The following SERGEF variants were observed in gnomAD, a reference collection of about 807,000 sequenced individuals.
The protein encoded by SERGEF is secretion-regulating guanine nucleotide exchange factor.
In SERGEF, 51 loss-of-function variants were observed where a neutral mutation model predicts 50.0. That is an observed-to-expected ratio of 1.02 (90% confidence interval 0.81 to 1.29). The LOEUF (loss-of-function observed/expected upper bound fraction) is 1.29. SERGEF is among the 50% of genes most tolerant of loss of function. SERGEF has a pLI of 0.00. For missense variants in SERGEF, 521 were observed against 557.0 expected, an observed-to-expected ratio of 0.94 and a Z score of 0.65; for synonymous variants, 205 against 212.4, an observed-to-expected ratio of 0.97 and a Z score of 0.30.
intron 10 of SERGEF, among the ~76,000 whole-genome samples, chr11:17,792,260 C>G (rs1009966586): frequency 1.3e-5 from 2 of 152,242 alleles, no homozygotes; most frequent in Non-Finnish European, 2.9e-5. Context: ...GGATGAACCC[C>G]AGGCCACATC....
At chr11:17,992,557 T>C (rs1411793751) in intron 7 of SERGEF, among the ~76,000 whole-genome samples, 1 of 152,220 alleles carries the variant, frequency 6.6e-6, no homozygotes, top group Non-Finnish European at 1.5e-5. Flanking sequence ...CACTGTGTTA[T>C]CCATATATGT....
chr11:17,946,428 G>T (rs1852663912), intron 9 of SERGEF, among the ~76,000 whole-genome samples: 1 of 152,170 alleles, frequency 6.6e-6, no homozygotes, highest in Admixed American at 6.5e-5. Flanking sequence ...CTTGGTGTAT[G>T]CTACCTGCTG....
intron 9 of SERGEF, among the ~76,000 whole-genome samples, chr11:17,948,270 T>A (rs1473744890): frequency 6.6e-6 from 1 of 152,208 alleles, no homozygotes; most frequent in Non-Finnish European, 1.5e-5. Context: ...GATAAAATGC[T>A]TTCACATCCC....
At chr11:17,941,431 A>G (rs1268291391) in intron 9 of SERGEF, among the ~76,000 whole-genome samples, 2 of 152,168 alleles carry the variant, frequency 1.3e-5, no homozygotes, top group African/African-American at 4.8e-5. Flanking sequence ...AAGGTCCTCA[A>G]GGTTCATCTA....
chr11:17,992,457 A>T (rs1853734782), intron 7 of SERGEF, among the ~76,000 whole-genome samples: 1 of 152,188 alleles, frequency 6.6e-6, no homozygotes, highest in Non-Finnish European at 1.5e-5. Context: ...TACAATACAC[A>T]CCAAAATAGA....
chr11:17,878,881 A>C (rs1342428266), intron 9 of SERGEF, among the ~76,000 whole-genome samples: 1 of 152,198 alleles, frequency 6.6e-6, no homozygotes, highest in Non-Finnish European at 1.5e-5. Flanking sequence ...TTAAAATCTC[A>C]AAGTATCTAC....
At chr11:17,970,909 G>A (rs1054028237) in intron 8 of SERGEF, among the ~76,000 whole-genome samples, 1 of 152,108 alleles carries the variant, frequency 6.6e-6, no homozygotes, top group Non-Finnish European at 1.5e-5. Context: ...AAAAGAAGCT[G>A]TAGGACCGGT....
At chr11:17,873,816 G>A (rs943304297) in intron 10 of SERGEF, among the ~76,000 whole-genome samples, 1 of 152,192 alleles carries the variant, frequency 6.6e-6, no homozygotes, top group Non-Finnish European at 1.5e-5. Flanking sequence ...AGGGAGAGAG[G>A]AAACGCAGTC....
In SERGEF at chr11:17,810,475, G is replaced by C. The variant is rs1229520624; in HGVS notation, c.1049-22062C>G. ...TGAGCTATAGTTAAATTTCAGAGCA[G>C]CAAGGGCATCTACAGATCATTGGCC... On this transcript the variant is annotated intron_variant, in intron 10 of 10. Transcript: ENST00000265965. Among the ~76,000 whole-genome samples the C allele has an allele frequency of 5.9e-5, 9 of 152,320 alleles. No individual in the cohort carries two copies. In the South Asian group the frequency reaches 1.7e-3, roughly 28 times the overall value.
chr11:17,918,300 G>C (rs1274704683), intron 9 of SERGEF, among the ~76,000 whole-genome samples: 1 of 152,232 alleles, frequency 6.6e-6, no homozygotes, highest in Non-Finnish European at 1.5e-5. Context: ...GAACTAGTGA[G>C]AGAACTACTT....
At chr11:17,813,084 C>G (rs2133836774) in intron 10 of SERGEF, among the ~76,000 whole-genome samples, 1 of 152,310 alleles carries the variant, frequency 6.6e-6, no homozygotes, top group African/African-American at 2.4e-5. Flanking sequence ...TGGATTCAGT[C>G]CCAGCCTTAT....
At chr11:17,927,657 C>T (rs1262844674) in intron 9 of SERGEF, among the ~76,000 whole-genome samples, 1 of 152,200 alleles carries the variant, frequency 6.6e-6, no homozygotes, top group Non-Finnish European at 1.5e-5. Flanking sequence ...TATAAAGCCC[C>T]GTCTATGCCT....
At chr11:17,864,372 T>G (rs1002734881) in intron 10 of SERGEF, among the ~76,000 whole-genome samples, 1 of 152,178 alleles carries the variant, frequency 6.6e-6, no homozygotes, top group African/African-American at 2.4e-5. Flanking sequence ...TGGAGTGATA[T>G]AAATGTCGCT....
intron 9 of SERGEF, among the ~76,000 whole-genome samples, chr11:17,932,837 T>C (rs764837985): frequency 2.0e-5 from 3 of 152,102 alleles, no homozygotes; most frequent in Non-Finnish European, 2.9e-5. Context: ...GAGAAATGGA[T>C]TGTTTTTATG....
chr11:17,847,992 C>A (rs1439832951), intron 10 of SERGEF, among the ~76,000 whole-genome samples: 1 of 152,024 alleles, frequency 6.6e-6, no homozygotes, highest in East Asian at 1.9e-4. Context: ...CCATTATAAG[C>A]ACAATGCATA....
At chr11:17,880,925 T>A (rs1323362515) in intron 9 of SERGEF, among the ~76,000 whole-genome samples, 1 of 152,236 alleles carries the variant, frequency 6.6e-6, no homozygotes, top group Non-Finnish European at 1.5e-5. Context: ...ACTGTAGGAA[T>A]TAAAGCCAGC....
intron 10 of SERGEF, among the ~76,000 whole-genome samples, chr11:17,794,399 C>G (rs1849538981): frequency 6.6e-6 from 1 of 152,116 alleles, no homozygotes; most frequent in Non-Finnish European, 1.5e-5. Flanking sequence ...AAAATGTCAC[C>G]TTAATTTCCA....
intron 10 of SERGEF, among the ~76,000 whole-genome samples, chr11:17,802,884 TTTTG>T (rs1849696859): frequency 6.6e-6 from 1 of 152,252 alleles, no homozygotes; most frequent in Non-Finnish European, 1.5e-5. Flanking sequence ...TATCATATAC[TTTTG>T]TTTGTCTGTT....
At chr11:17,839,739 G>A (rs894450840) in intron 10 of SERGEF, among the ~76,000 whole-genome samples, 12 of 152,132 alleles carry the variant, frequency 7.9e-5, no homozygotes, top group African/African-American at 2.4e-4. Flanking sequence ...CAGAGGCTCC[G>A]AAGCCTTCTC....
Sources: allele counts gnomAD v4.1 joint callset (sites outside exome capture counted in the v4.1 genomes callset), GRCh38; gene constraint gnomAD v4.1.1; transcripts MANE v1.5; gene names NCBI Gene and HGNC (gene_info 2026-07-23, HGNC 2026-07-21).